CNIH3: variants seen among roughly 807,000 people sequenced by gnomAD.
CNIH3 encodes the protein protein cornichon homolog 3.
A neutral mutation model predicts 24.1 loss-of-function variants in CNIH3; 14 were observed. The ratio of observed to expected loss-of-function variants is 0.58; its 90% CI spans 0.38 to 0.91. The LOEUF is 0.91. Ranked by LOEUF, CNIH3 falls within the 40% of genes least tolerant of loss-of-function variation. The pLI is 0.00. For missense variants in CNIH3, 178 were observed against 196.8 expected (o/e 0.90, Z 0.57); for synonymous variants, 68 against 73.8 (o/e 0.92, Z 0.40).
chr1:224,682,631 C>G (rs1686455357), intron 2 of CNIH3, among the ~76,000 whole-genome samples: 1 of 152,188 alleles, frequency 6.6e-6, no homozygotes, highest in African/African-American at 2.4e-5. Context: ...TTGGATCTGT[C>G]AGTCCTGAAA....
chr1:224,534,420 T>C (rs1399973489), intron 2 of CNIH3, among the ~76,000 whole-genome samples: 1 of 152,036 alleles, frequency 6.6e-6, no homozygotes, highest in African/African-American at 2.4e-5. Context: ...GGTGAGGAAA[T>C]GGAGGATTAT....
In CNIH3 at chr1:224,571,493, G is replaced by C. The variant is rs532337351; in HGVS notation, n.516+5229G>C. ...TAATCCCAGCACTTTGGGAGGCTGA[G>C]GTGGACGGATCACTTGAGGTCAGGA... On this transcript the variant is annotated intron_variant and non_coding_transcript_variant, in intron 4 of 5. Transcript: ENST00000471578. 9.8e-5 allele frequency among the ~76,000 whole-genome samples: 15 copies of C among 152,306 alleles called. No individual in the cohort carries two copies. The South Asian group carries it at 2.9e-3, about 29-fold the overall frequency.
At chr1:224,734,982 A>G (rs1689521812) in intron 5 of CNIH3, among the ~76,000 whole-genome samples, 1 of 152,140 alleles carries the variant, frequency 6.6e-6, no homozygotes, top group African/African-American at 2.4e-5. Flanking sequence ...CTTTGGAGAT[A>G]ACTGGTGAAG....
intron 1 of CNIH3, among the ~76,000 whole-genome samples, chr1:224,630,934 G>A (rs1300469984): frequency 6.6e-6 from 1 of 152,108 alleles, no homozygotes; most frequent in East Asian, 1.9e-4. Flanking sequence ...GCTGGGGCAG[G>A]CGGATCATGA....
chr1:224,577,528 G>A (rs1222306283), intron 4 of CNIH3, among the ~76,000 whole-genome samples: 4 of 151,972 alleles, frequency 2.6e-5, no homozygotes, highest in Non-Finnish European at 5.9e-5. Flanking sequence ...TCCTGCATTT[G>A]AATGGCCATG....
chr1:224,606,962 G>A (rs1682454283), intron 3 of CNIH3, among the ~76,000 whole-genome samples: 1 of 152,166 alleles, frequency 6.6e-6, no homozygotes, highest in Non-Finnish European at 1.5e-5. Flanking sequence ...CAGGAAGGGG[G>A]CTCAAAGTTA....
At chr1:224,736,922 T>C (rs1043405212) in intron 5 of CNIH3, among the ~76,000 whole-genome samples, 1 of 152,190 alleles carries the variant, frequency 6.6e-6, no homozygotes, top group Non-Finnish European at 1.5e-5. Flanking sequence ...TTCCCTGCAG[T>C]GTGCTCAACC....
intron 1 of CNIH3, among the ~76,000 whole-genome samples, chr1:224,450,709 C>T (rs1030495592): frequency 3.3e-5 from 5 of 152,054 alleles, no homozygotes; most frequent in African/African-American, 1.2e-4. Flanking sequence ...CTGCTAATAG[C>T]AAAATAAAAA....
At chr1:224,488,298 T>C (rs1677104629) in intron 1 of CNIH3, among the ~76,000 whole-genome samples, 1 of 152,148 alleles carries the variant, frequency 6.6e-6, no homozygotes, top group Non-Finnish European at 1.5e-5. Context: ...TTAAATCTTT[T>C]GATAAGGGCC....
chr1:224,447,780 T>C (rs1675227360), intron 1 of CNIH3, among the ~76,000 whole-genome samples: 1 of 152,242 alleles, frequency 6.6e-6, no homozygotes, highest in Admixed American at 6.5e-5. Flanking sequence ...ATTTATTCAG[T>C]GCCTGCTCTG....
At chr1:224,448,965 T>C (rs1675274697) in intron 1 of CNIH3, among the ~76,000 whole-genome samples, 1 of 150,642 alleles carries the variant, frequency 6.6e-6, no homozygotes, top group Non-Finnish European at 1.5e-5. Context: ...GGGATTCTTT[T>C]TTTTTTTTTT....
chr1:224,613,740 C>T (rs1451826070), upstream of CNIH3, among the ~76,000 whole-genome samples: 1 of 152,210 alleles, frequency 6.6e-6, no homozygotes, highest in African/African-American at 2.4e-5. Context: ...ATGCCTGCTC[C>T]TGCTTCACCT....
intron 3 of CNIH3, among the ~76,000 whole-genome samples, chr1:224,558,990 G>A (rs954723240): frequency 1.3e-5 from 2 of 152,186 alleles, no homozygotes; most frequent in African/African-American, 4.8e-5. Context: ...AAAAGTGCCT[G>A]CCAGCTTACC....
intron 1 of CNIH3, among the ~76,000 whole-genome samples, chr1:224,634,975 C>T (rs191481700): frequency 5.9e-5 from 9 of 152,304 alleles, no homozygotes; most frequent in Non-Finnish European, 1.5e-5. Context: ...CATCCGTTGT[C>T]TCACAAGGGG....
In CNIH3 at chr1:224,704,776, AGTT is replaced by A. The variant is rs926687755; in HGVS notation, c.198+19944_198+19946del. On this transcript the variant is annotated intron_variant, in intron 3 of 5. Transcript: ENST00000272133. The surrounding 1 kb of genome is among the most constrained non-coding windows in gnomAD (Gnocchi z 4.2). Reference sequence around the variant, plus strand: ...CTAGTTTCCCTATAGTATTCTTTATAGTTGTTGTTGTTGCTTTTTAAATTCAGG... The same window carrying A: ...CTAGTTTCCCTATAGTATTCTTTATAGTTGTTGTTGCTTTTTAAATTCAGG... 3.3e-5 allele frequency among the ~76,000 whole-genome samples: 5 copies of A among 152,116 alleles called. No homozygotes were observed. Among genetic ancestry groups the A allele is most frequent in the African/African-American group, 9.7e-5 (4 of 41,404 alleles).
intron 1 of CNIH3, among the ~76,000 whole-genome samples, chr1:224,672,065 T>C (rs527829924): frequency 3.3e-5 from 5 of 152,332 alleles, no homozygotes; most frequent in Admixed American, 2.6e-4. Context: ...GTGGAGCTCT[T>C]TGTGCTTTAA....
intron 5 of CNIH3, among the ~76,000 whole-genome samples, chr1:224,584,227 C>A (rs1681399270): frequency 1.3e-5 from 2 of 152,124 alleles, no homozygotes; most frequent in Admixed American, 1.3e-4. Context: ...AGTTACAATA[C>A]ACAGAACAAA....
rs567963321 is a variant in CNIH3, at chr1:224,549,597, C to T, written n.450+2658C>T. The stretch of plus-strand genomic sequence containing the variant: ...TCATTAATATCAGAGGCTGTAAATA[C>T]GGAATATTATAGAAATATCAGAAAT... On this transcript the variant is annotated intron_variant and non_coding_transcript_variant, in intron 3 of 5. Transcript: ENST00000471578. Among the ~76,000 whole-genome samples the T allele has an allele frequency of 1.3e-3, 194 of 151,838 alleles. 2 individuals carry two copies. Among genetic ancestry groups the T allele is most frequent in the African/African-American group, 4.4e-3 (183 of 41,412 alleles).
chr1:224,443,992 T>C (rs1157109929), intron 1 of CNIH3, among the ~76,000 whole-genome samples: 3 of 152,172 alleles, frequency 2.0e-5, no homozygotes, highest in African/African-American at 7.2e-5. Context: ...TTAAAAAGTT[T>C]TATTATGCAG....
Sources: allele counts gnomAD v4.1 joint callset (sites outside exome capture counted in the v4.1 genomes callset), GRCh38; gene constraint gnomAD v4.1.1; non-coding constraint Gnocchi (gnomAD v3.1); transcripts MANE v1.5; gene names NCBI Gene and HGNC (gene_info 2026-07-23, HGNC 2026-07-21).